Variants in EBI3 observed in about 807,000 individuals in gnomAD.
EBI3 encodes the protein Epstein-Barr virus induced 3.
In EBI3, 19 loss-of-function variants were observed where a neutral mutation model predicts 21.3. That is an observed-to-expected ratio of 0.89 (90% CI 0.62 to 1.31). The LOEUF (loss-of-function observed/expected upper bound fraction) is 1.31. Among genes scored for constraint, EBI3 ranks in the 50% most tolerant of loss-of-function variants. The pLI is 0.00. For synonymous variants in EBI3, 154 were observed against 131.2 expected, an observed-to-expected ratio of 1.17 and a Z score of -1.19; for missense variants, 331 against 314.0, an observed-to-expected ratio of 1.05 and a Z score of -0.41.
intron 3 of EBI3, 121 bp from the exon 4 acceptor site, chr19:4,234,546 G>C: frequency 6.8e-7 from 1 of 1,460,392 alleles, no homozygotes. Context: ...CTGGGTGACA[G>C]AGTGAGACTC....
intron 3 of EBI3, 118 bp downstream of exon 3, chr19:4,233,425 T>C: frequency 8.5e-7 from 1 of 1,170,170 alleles, no homozygotes; most frequent in Non-Finnish European, 1.2e-6. Context: ...TAAGCAAAAA[T>C]CTGACCCCTT....
In EBI3 at chr19:4,236,919, G is replaced by A. The variant is rs754993037; in HGVS notation, c.538-17G>A. On this transcript the variant is annotated splice_polypyrimidine_tract_variant and intron_variant, in intron 4 of 4. Coordinates refer to ENST00000221847, the MANE Select transcript of EBI3 (RefSeq NM_005755.3). Reference sequence around the variant, plus strand: ...CATCTTCTGGTTCTAGTGACCTGACGCTCTCTCTTCTCTCAGGTGGGGCCC... The same window carrying A: ...CATCTTCTGGTTCTAGTGACCTGACACTCTCTCTTCTCTCAGGTGGGGCCC... The A allele has an allele frequency of 7.4e-6, 11 of 1,483,496 alleles. No individual in the cohort carries two copies. Among genetic ancestry groups the A allele is most frequent in the Admixed American group, 4.5e-5 (2 of 44,102 alleles). The allele number at this position is 1,483,496 out of a possible 1,614,324, so 91.9% of individuals were successfully genotyped here.
In EBI3 at chr19:4,237,159, G is replaced by A; in HGVS notation, c.*71G>A. ...CCTAAGCCCCGGGACACCTGTTGGA[G>A]GGCGGATGGGATCTGCCTAGCCTGG... On this transcript the variant is annotated 3_prime_UTR_variant, in exon 5 of 5. Coordinates refer to ENST00000221847, the MANE Select transcript of EBI3 (RefSeq NM_005755.3). 5.0e-6 allele frequency: 7 copies of A among 1,401,186 alleles called. No homozygotes were observed. Among genetic ancestry groups the A allele is most frequent in the Non-Finnish European group, 6.5e-6 (7 of 1,070,836 alleles). 86.8% of individuals were successfully genotyped at this position (1,401,186 alleles called of 1,614,324 possible). A position where few individuals can be genotyped will look rare whatever the true frequency, so the allele number is the denominator to read the frequency against.
intron 2 of EBI3, among the ~76,000 whole-genome samples, chr19:4,232,549 C>CA (rs201741420): frequency 1.7e-4 from 25 of 150,946 alleles, no homozygotes; most frequent in Non-Finnish European, 3.4e-4. Context: ...GAGACCCCCC[C>CA]CCATCTGTAG....
intron 3 of EBI3, among the ~76,000 whole-genome samples, 193 bp downstream of exon 3, chr19:4,233,500 G>A (rs187104988): frequency 1.1e-3 from 162 of 151,880 alleles, no homozygotes; most frequent in African/African-American, 3.7e-3. Flanking sequence ...CCTCCATCCT[G>A]AGCCCTGGCC....
intron 4 of EBI3, 54 bp downstream of exon 4, chr19:4,234,878 T>C: frequency 6.3e-7 from 1 of 1,597,298 alleles, no homozygotes; most frequent in Non-Finnish European, 8.5e-7. Context: ...GAGGGAATGG[T>C]TTTTACCAAG....
intron 2 of EBI3, among the ~76,000 whole-genome samples, chr19:4,232,088 G>C (rs1450773496): frequency 1.3e-5 from 2 of 151,352 alleles, no homozygotes; most frequent in Admixed American, 6.6e-5. Context: ...TGCCAGGTGT[G>C]ATGGCACGCG....
intron 1 of EBI3, among the ~76,000 whole-genome samples, chr19:4,230,282 C>T (rs1413948178): frequency 6.6e-6 from 1 of 152,156 alleles, no homozygotes; most frequent in Non-Finnish European, 1.5e-5. Context: ...AAAATGGTTA[C>T]AGCAGGGCAT....
intron 2 of EBI3, 93 bp from the exon 3 acceptor site, chr19:4,233,036 C>T: frequency 2.2e-6 from 3 of 1,368,848 alleles, no homozygotes; most frequent in South Asian, 1.6e-5. Context: ...CCTGTTCCTG[C>T]CTCTCCTTGG....
At chr19:4,236,518 C>CAA (rs4009634) in intron 4 of EBI3, among the ~76,000 whole-genome samples, 678 of 30,378 alleles carry the variant, frequency 0.022, 174 homozygotes, top group African/African-American at 0.053. Context: ...AAGACTGTCT[C>CAA]AAAAAAAAAA....
rs113045580 is a variant in EBI3 at position 4,231,238 on chromosome 19, C to A, written c.115C>A (p.Arg39=). ...GCCCCGGGTGCAATGCCGAGCCTCT[C>A]GGTACCCGATCGCCGTGGATTGCTC... ...TLPRVQCRAS[R]YPIAVDCSWT... The change falls in exon 2 of 5, where the codon CGG becomes AGG. Residue 39 remains arginine, a synonymous_variant. Coordinates refer to ENST00000221847, the MANE Select transcript of EBI3 (RefSeq NM_005755.3). The A allele has an allele frequency of 2.0e-5, 33 of 1,612,192 alleles. 1 individual carries two copies. In the African/African-American group the frequency reaches 3.6e-4, roughly 18 times the overall value.
chr19:4,230,241 C>T (rs2077007550), intron 1 of EBI3, among the ~76,000 whole-genome samples: 1 of 152,100 alleles, frequency 6.6e-6, no homozygotes, highest in African/African-American at 2.4e-5. Context: ...ATTCATTTTG[C>T]ACTAGAGAAC....
In EBI3 at chr19:4,234,951, G is replaced by A; in HGVS notation, c.537+127G>A. 3 of 1,371,464 alleles carry A rather than the reference G, an allele frequency of 2.2e-6. No individual in the cohort carries two copies. In the African/African-American group the frequency reaches 4.3e-5, roughly 20 times the overall value. 85.0% of individuals were successfully genotyped at this position (1,371,464 alleles called of 1,614,324 possible). On this transcript the variant is annotated intron_variant, in intron 4 of 4. Transcript: ENST00000221847. ...ATTCCGGGTGCATTGAATAAGAGCA[G>A]TCCAGCAATCTGATTCCTAGGCCTC...
chr19:4,232,296 A>T (rs1970792544), intron 2 of EBI3, among the ~76,000 whole-genome samples: 1 of 151,114 alleles, frequency 6.6e-6, no homozygotes, highest in Non-Finnish European at 1.5e-5. Flanking sequence ...AAGAAAAAAA[A>T]ATTAGCTGGG....
intron 4 of EBI3, among the ~76,000 whole-genome samples, chr19:4,235,961 G>A (rs192704893): frequency 1.3e-5 from 2 of 151,986 alleles, no homozygotes; most frequent in Non-Finnish European, 2.9e-5. Flanking sequence ...TAAAAAGCAC[G>A]GTTAGGCTAG....
intron 2 of EBI3, 196 bp from the exon 3 acceptor site, chr19:4,232,933 G>A (rs1255431389): frequency 1.9e-5 from 10 of 536,204 alleles, no homozygotes; most frequent in Non-Finnish European, 3.2e-5. Flanking sequence ...GAACCATCAG[G>A]GGCACCGTGA....
In EBI3 at chr19:4,237,058, C is replaced by T. The variant is rs753281191; in HGVS notation, c.660C>T (p.Pro220=). 12 of 1,561,124 alleles carry T rather than the reference C, an allele frequency of 7.7e-6. No individual in the cohort carries two copies. The highest frequency in any genetic ancestry group is 4.9e-5 in the East Asian group (2 of 41,020). Residue 220 remains proline, a synonymous_variant, in exon 5 of 5, where the codon CCC becomes CCT. Coordinates refer to ENST00000221847, the MANE Select transcript of EBI3 (RefSeq NM_005755.3). ...DYGELSDWSL[P]ATATMSLGK ...GGGAACTGAGTGACTGGAGTCTCCC[C>T]GCCACTGCCACAATGAGCCTGGGCA...
intron 4 of EBI3, among the ~76,000 whole-genome samples, chr19:4,235,354 C>G (rs1970828677): frequency 7.2e-6 from 1 of 138,878 alleles, no homozygotes; most frequent in African/African-American, 3.4e-5. Flanking sequence ...AGGTCTAGCT[C>G]TGTCACCCAG....
In EBI3 at chr19:4,234,689, C is replaced by T. The variant is rs200195709; in HGVS notation, c.402C>T (p.Gly134=). 24 of 1,613,984 alleles carry T rather than the reference C, an allele frequency of 1.5e-5. No individual in the cohort carries two copies. The highest frequency in any genetic ancestry group is 3.3e-4 in the Middle Eastern group (2 of 6,062). ...EHIIKPDPPE[G]VRLSPLAERQ... ...CAGTCAAGCCCGACCCTCCAGAAGG[C>T]GTGCGCCTAAGCCCCCTCGCTGAGC... The change falls in exon 4 of 5, where the codon GGC becomes GGT. Residue 134 remains glycine (G), a synonymous_variant. Coordinates refer to ENST00000221847, the MANE Select transcript of EBI3 (RefSeq NM_005755.3).
Sources: allele counts gnomAD v4.1 joint callset (sites outside exome capture counted in the v4.1 genomes callset), GRCh38; gene constraint gnomAD v4.1.1; transcripts MANE v1.5; gene names NCBI Gene and HGNC (gene_info 2026-07-23, HGNC 2026-07-21).